The following PKNOX1 variants were observed in gnomAD, a reference collection of about 807,000 sequenced individuals.
PKNOX1 encodes PBX/knotted 1 homeobox 1, also known as homeobox protein PKNOX1.
PKNOX1 carries 15 observed loss-of-function variants against 51.9 expected under a neutral mutation model. That is an observed-to-expected ratio of 0.29 (90% CI 0.19 to 0.45). The LOEUF (loss-of-function observed/expected upper bound fraction) is 0.45, where lower values mean the gene tolerates loss of function less well. Among genes scored for constraint, PKNOX1 ranks in the 20% least tolerant of loss-of-function variants. PKNOX1 has a pLI of 1.00. For synonymous variants in PKNOX1, 219 were observed against 211.1 expected, an observed-to-expected ratio of 1.04 and a Z score of -0.32; for missense variants, 462 against 547.5, an observed-to-expected ratio of 0.84 and a Z score of 1.56.
chr21:43,007,704 C>T (rs747074723), intron 3 of PKNOX1, 86 bp downstream of exon 3: 10 of 1,469,136 alleles, frequency 6.8e-6, no homozygotes, highest in Admixed American at 1.7e-5. Flanking sequence ...GAACTAGTAG[C>T]GAGGCAGAGT....
At chr21:42,982,724 T>TC (rs2059032963) in intron 1 of PKNOX1, among the ~76,000 whole-genome samples, 1 of 63,672 alleles carries the variant, frequency 1.6e-5, no homozygotes, top group South Asian at 6.2e-4. Context: ...AGAGCGAAAC[T>TC]CCATCTCAAA....
In PKNOX1 at chr21:43,030,020, C is replaced by T. The variant is rs764904530; in HGVS notation, c.1230C>T (p.Asp410=). ...GGCAGAGCGAGGACGAGTCTGTGGA[C>T]AGCACAGAGGAGGATGCGGGTGCCC... is the stretch of plus-strand genomic sequence containing the variant. ...MAGQSEDESV[D]STEEDAGALA... The change falls in exon 11 of 11, where the codon GAC becomes GAT. Residue 410 remains aspartate (D), a synonymous_variant. Coordinates refer to ENST00000291547, the MANE Select transcript of PKNOX1 (RefSeq NM_004571.5). 5.2e-5 allele frequency: 84 copies of T among 1,613,892 alleles called. 1 individual carries two copies. The Middle Eastern group carries it at 9.9e-4, about 19-fold the overall frequency.
chr21:42,993,147 A>G (rs1013588743), intron 1 of PKNOX1, among the ~76,000 whole-genome samples: 3 of 152,028 alleles, frequency 2.0e-5, no homozygotes, highest in Non-Finnish European at 4.4e-5. Context: ...AGAGGAAGGG[A>G]CAAAGACCTC....
At chr21:42,984,154 A>G (rs945952210) in intron 1 of PKNOX1, among the ~76,000 whole-genome samples, 1 of 151,388 alleles carries the variant, frequency 6.6e-6, no homozygotes, top group Non-Finnish European at 1.5e-5. Context: ...CTGGTCTCCA[A>G]CTCCTGGGCT....
Position 43,032,732 on chromosome 21 carries a change from CT to C in PKNOX1, c.*2634del, listed in dbSNP as rs1206429815. ...AGTGTGCATTCTCTCCAGCTGCAAA[CT>C]TTCTTCAACTTTCCTAAATTCTTAC... On this transcript the variant is annotated 3_prime_UTR_variant, in exon 11 of 11. Coordinates refer to ENST00000291547, the MANE Select transcript of PKNOX1 (RefSeq NM_004571.5). The C allele has an allele frequency of 6.6e-6, 1 of 152,354 alleles. No homozygotes were observed. The highest frequency in any genetic ancestry group is 2.4e-5 in the African/African-American group (1 of 41,464). The allele number at this position is 152,354 out of a possible 1,614,324, so 9.4% of individuals were successfully genotyped here.
At chr21:43,007,700 G>C in intron 3 of PKNOX1, 82 bp downstream of exon 3, 2 of 1,496,754 alleles carry the variant, frequency 1.3e-6, no homozygotes, top group Non-Finnish European at 1.9e-6. Flanking sequence ...ACCAGAACTA[G>C]TAGCGAGGCA....
intron 1 of PKNOX1, among the ~76,000 whole-genome samples, chr21:42,983,286 C>T (rs1434040344): frequency 1.7e-5 from 2 of 114,648 alleles, no homozygotes; most frequent in Non-Finnish European, 3.6e-5. Context: ...CCATTAAACA[C>T]TGCCTCCCCA....
intron 2 of PKNOX1, among the ~76,000 whole-genome samples, chr21:43,004,725 C>T (rs377358317): frequency 7.2e-5 from 11 of 152,250 alleles, no homozygotes; most frequent in South Asian, 6.2e-4. Context: ...AAAGAAAACC[C>T]GGTTGATTTT....
At position 43,024,863 on chromosome 21, in the gene PKNOX1, A is replaced by T; in HGVS notation, c.850-8A>T. The T allele has an allele frequency of 6.3e-7, 1 of 1,595,348 alleles. No individual in the cohort carries two copies. The highest frequency in any genetic ancestry group is 8.6e-7 in the Non-Finnish European group (1 of 1,164,838). On this transcript the variant is annotated splice_polypyrimidine_tract_variant and splice_region_variant and intron_variant, in intron 8 of 10. Coordinates refer to ENST00000291547, the MANE Select transcript of PKNOX1 (RefSeq NM_004571.5). ...AAGGCCATGGTAACCTTCTTTTTTTATTTTCAGCATCCCTACCCAACAGAG... is the reference window on the plus strand; with the variant it reads ...AAGGCCATGGTAACCTTCTTTTTTTTTTTTCAGCATCCCTACCCAACAGAG...
chr21:42,978,949 G>A (rs138325976), intron 1 of PKNOX1, among the ~76,000 whole-genome samples: 339 of 152,250 alleles, frequency 2.2e-3, no homozygotes, highest in African/African-American at 7.3e-3. Flanking sequence ...GCTCAGGTTG[G>A]GATGCAGTGG....
At chr21:43,029,424 G>GTTGTTTTTTTTTTTTT in intron 10 of PKNOX1, among the ~76,000 whole-genome samples, 2 of 63,290 alleles carry the variant, frequency 3.2e-5, no homozygotes, top group South Asian at 1.3e-3. Context: ...TGTTTGCTTT[G>GTTGTTTTTTTTTTTTT]TTTTTTTTTT....
intron 1 of PKNOX1, among the ~76,000 whole-genome samples, chr21:42,982,025 G>T (rs1256657172): frequency 1.3e-5 from 2 of 152,138 alleles, no homozygotes; most frequent in South Asian, 4.1e-4. Flanking sequence ...CCATCTGTAC[G>T]CTCCCCTCAC....
At chr21:42,978,514 C>T (rs71316191) in intron 1 of PKNOX1, among the ~76,000 whole-genome samples, 6,660 of 131,608 alleles carry the variant, frequency 0.051, 191 homozygotes, top group Middle Eastern at 0.09. Context: ...GAGATGGAGT[C>T]GCTCTGTCGC....
chr21:43,007,541 A>T lies in PKNOX1; in HGVS notation c.102A>T (p.Glu34Asp). ...LKTEQDPNCSEPDAEGVSPPP... is the reference protein window; with the variant it reads ...LKTEQDPNCSDPDAEGVSPPP... Reference sequence around the variant, plus strand: ...CAGAACAAGATCCAAACTGCTCTGAACCCGATGCAGAAGGAGTGAGCCCTC... The same window carrying T: ...CAGAACAAGATCCAAACTGCTCTGATCCCGATGCAGAAGGAGTGAGCCCTC... The change falls in exon 3 of 11, where the codon GAA (glutamate) becomes GAT (aspartate). Residue 34 changes from glutamate (E) to aspartate (D), a missense_variant. Transcript: ENST00000291547. 1 of 1,613,946 alleles carries T rather than the reference A, an allele frequency of 6.2e-7. No homozygotes were observed. The highest frequency in any genetic ancestry group is 8.5e-7 in the Non-Finnish European group (1 of 1,179,836).
rs1481912886 is a variant in PKNOX1 at position 42,980,633 on chromosome 21, A to G, written c.-57+5969A>G. Among the ~76,000 whole-genome samples, 6 of 152,330 alleles carry G rather than the reference A, an allele frequency of 3.9e-5. No homozygotes were observed. In the South Asian group the frequency reaches 8.3e-4, roughly 21 times the overall value. ...CTTTAAAGGAAATAAATAGATGAAG[A>G]AGAGAACAAATTATTTTGAAATACA... On this transcript the variant is annotated intron_variant, in intron 1 of 10. Coordinates refer to ENST00000291547, the MANE Select transcript of PKNOX1 (RefSeq NM_004571.5).
At position 43,021,108 on chromosome 21, in the gene PKNOX1, C is replaced by CA. The variant is rs755196370; in HGVS notation, c.721-187dup. The CA allele has an allele frequency of 1.6e-4, 65 of 408,404 alleles. No individual in the cohort carries two copies. Among genetic ancestry groups the CA allele is most frequent in the South Asian group, 5.7e-4 (20 of 35,242 alleles). The allele number at this position is 408,404 out of a possible 1,614,324, so 25.3% of individuals were successfully genotyped here. On this transcript the variant is annotated intron_variant, in intron 7 of 10. Coordinates refer to ENST00000291547, the MANE Select transcript of PKNOX1 (RefSeq NM_004571.5). This position sits in a 1 kb window ranked among gnomAD's most constrained non-coding sequence, Gnocchi z 4.6. Reference sequence around the variant, plus strand: ...TGAGTGACAGAGCAAGATCCTGTCTCAAAAAAAAGAAAGGCTGGTCATGTG... The same window carrying CA: ...TGAGTGACAGAGCAAGATCCTGTCTCAAAAAAAAAGAAAGGCTGGTCATGTG...
At chr21:42,997,671 T>C (rs1381928692) in intron 1 of PKNOX1, among the ~76,000 whole-genome samples, 2 of 152,194 alleles carry the variant, frequency 1.3e-5, no homozygotes, top group African/African-American at 4.8e-5. Context: ...CAGAGGGTGC[T>C]GTGTGAGGGT....
intron 2 of PKNOX1, among the ~76,000 whole-genome samples, chr21:43,005,575 G>A (rs548413931): frequency 1.3e-5 from 2 of 148,686 alleles, no homozygotes; most frequent in Non-Finnish European, 3.0e-5. Context: ...ATAATGTCCC[G>A]CCTGAGCTCT....
intron 5 of PKNOX1, among the ~76,000 whole-genome samples, chr21:43,015,960 G>A (rs1294687358): frequency 1.3e-5 from 2 of 151,804 alleles, no homozygotes; most frequent in Admixed American, 6.6e-5. Flanking sequence ...TTCTGCTTTC[G>A]GTTCATGATG....
Sources: allele counts gnomAD v4.1 joint callset (sites outside exome capture counted in the v4.1 genomes callset), GRCh38; gene constraint gnomAD v4.1.1; non-coding constraint Gnocchi (gnomAD v3.1); transcripts MANE v1.5; gene names NCBI Gene and HGNC (gene_info 2026-07-23, HGNC 2026-07-21).